Variants in PDGFD observed in about 807,000 individuals in gnomAD.
The protein encoded by PDGFD is platelet derived growth factor D.
Under a neutral mutation model 44.7 loss-of-function variants are expected in PDGFD, and 30 were observed. The ratio of observed to expected loss-of-function variants is 0.67; its 90% confidence interval spans 0.50 to 0.91. PDGFD has a LOEUF of 0.91. PDGFD is among the 40% of genes least tolerant of loss of function. The pLI is 0.00. For missense variants in PDGFD, 445 were observed against 457.8 expected (o/e 0.97, Z 0.25); for synonymous variants, 173 against 168.4 (o/e 1.03, Z -0.21).
chr11:103,956,890 C>A (rs535656206), intron 3 of PDGFD, among the ~76,000 whole-genome samples: 1 of 152,268 alleles, frequency 6.6e-6, no homozygotes, highest in African/African-American at 2.4e-5. Flanking sequence ...ATATCCTTCA[C>A]CCACTTTTTG....
intron 3 of PDGFD, among the ~76,000 whole-genome samples, chr11:103,982,897 T>C (rs1427951260): frequency 6.6e-6 from 1 of 151,490 alleles, no homozygotes; most frequent in Non-Finnish European, 1.5e-5. Flanking sequence ...AACTACAAAC[T>C]CTGCTCAAAG....
intron 1 of PDGFD, among the ~76,000 whole-genome samples, chr11:104,104,623 T>C (rs909227245): frequency 6.6e-5 from 10 of 152,128 alleles, no homozygotes; most frequent in African/African-American, 2.2e-4. Flanking sequence ...AAACCATCTA[T>C]AGCTTAGGCA....
chr11:103,971,174 T>TA (rs1391236600), intron 3 of PDGFD, among the ~76,000 whole-genome samples: 1 of 152,238 alleles, frequency 6.6e-6, no homozygotes, highest in Non-Finnish European at 1.5e-5. Context: ...TTAGTTTTTT[T>TA]ATCTTTCTAT....
At chr11:103,956,679 C>T (rs1183005952) in intron 3 of PDGFD, among the ~76,000 whole-genome samples, 3 of 152,038 alleles carry the variant, frequency 2.0e-5, no homozygotes, top group Non-Finnish European at 4.4e-5. Flanking sequence ...TTCCCACCAA[C>T]AGTGTAAAAG....
chr11:104,156,469 T>C (rs941400781), intron 1 of PDGFD, among the ~76,000 whole-genome samples: 1 of 152,206 alleles, frequency 6.6e-6, no homozygotes, highest in African/African-American at 2.4e-5. Context: ...AAAACTGTCT[T>C]CATGAACACA....
intron 1 of PDGFD, among the ~76,000 whole-genome samples, chr11:104,041,825 A>C (rs1408930036): frequency 6.6e-6 from 1 of 152,228 alleles, no homozygotes; most frequent in Non-Finnish European, 1.5e-5. Context: ...CTGCAAAAAG[A>C]AAAAGATAAA....
intron 4 of PDGFD, chr11:103,946,125 A>T (rs1460726012): frequency 1.4e-5 from 2 of 143,004 alleles, no homozygotes; most frequent in Non-Finnish European, 2.9e-5. Flanking sequence ...AGTTAACTGC[A>T]TTAATTTAAA....
chr11:104,057,653 A>C (rs2134411188), intron 1 of PDGFD, among the ~76,000 whole-genome samples: 1 of 152,324 alleles, frequency 6.6e-6, no homozygotes, highest in South Asian at 2.1e-4. Flanking sequence ...ATATACCTGC[A>C]CATGTACCCC....
chr11:104,081,003 G>A (rs1861038842), intron 1 of PDGFD, among the ~76,000 whole-genome samples: 1 of 152,172 alleles, frequency 6.6e-6, no homozygotes, highest in African/African-American at 2.4e-5. Flanking sequence ...GACAACTGCA[G>A]CTCTAGCTGA....
chr11:104,091,061 A>G (rs1200459142), intron 1 of PDGFD, among the ~76,000 whole-genome samples: 1 of 152,222 alleles, frequency 6.6e-6, no homozygotes, highest in Non-Finnish European at 1.5e-5. Context: ...CAGCTAAAAC[A>G]GTGTGATTTA....
Position 104,054,200 on chromosome 11 carries a change from C to G in PDGFD, c.125-53945G>C, listed in dbSNP as rs190605887. ...TGGGAAGCGATTTCTGCAAAGGAAG[C>G]GAAAAGCTCCACATTGCTGGGAAAT... On this transcript the variant is annotated intron_variant, in intron 1 of 6. Coordinates refer to ENST00000393158, the MANE Select transcript of PDGFD (RefSeq NM_025208.5). Among the ~76,000 whole-genome samples the G allele has an allele frequency of 3.4e-3, 521 of 152,272 alleles. 1 individual carries two copies. The highest frequency in any genetic ancestry group is 0.02 in the Middle Eastern group (6 of 294).
At chr11:104,009,760 A>C (rs1859755530) in intron 1 of PDGFD, among the ~76,000 whole-genome samples, 1 of 152,182 alleles carries the variant, frequency 6.6e-6, no homozygotes, top group African/African-American at 2.4e-5. Context: ...ACAGGGTTGG[A>C]GTCTCACCAT....
chr11:104,155,500 T>A (rs1219030082), intron 1 of PDGFD, among the ~76,000 whole-genome samples: 1 of 152,204 alleles, frequency 6.6e-6, no homozygotes, highest in Non-Finnish European at 1.5e-5. Flanking sequence ...TCAGTGCTAA[T>A]AGTGTGAATA....
intron 1 of PDGFD, among the ~76,000 whole-genome samples, chr11:104,104,772 T>C (rs1310190935): frequency 6.6e-6 from 1 of 152,182 alleles, no homozygotes; most frequent in African/African-American, 2.4e-5. Context: ...TTCATGATTG[T>C]ACACAGAAAC....
chr11:103,973,325 T>C (rs1280627211), intron 3 of PDGFD, among the ~76,000 whole-genome samples: 2 of 151,534 alleles, frequency 1.3e-5, no homozygotes, highest in African/African-American at 4.8e-5. Context: ...TTTTTTGTAT[T>C]TTTAGTAGAG....
intron 3 of PDGFD, among the ~76,000 whole-genome samples, chr11:103,961,649 C>T (rs1858937377): frequency 1.3e-5 from 2 of 152,058 alleles, no homozygotes; most frequent in South Asian, 4.1e-4. Flanking sequence ...TTTTCTTAAT[C>T]ATCTATTCAG....
At chr11:103,926,145 C>G (rs1481315962) in intron 6 of PDGFD, among the ~76,000 whole-genome samples, 1 of 152,166 alleles carries the variant, frequency 6.6e-6, no homozygotes, top group African/African-American at 2.4e-5. Flanking sequence ...CCAGGCCATG[C>G]TGGCCAACTT....
At chr11:104,008,369 A>T (rs1859735067) in intron 1 of PDGFD, among the ~76,000 whole-genome samples, 1 of 152,186 alleles carries the variant, frequency 6.6e-6, no homozygotes, top group Non-Finnish European at 1.5e-5. Context: ...AACTATATGT[A>T]ACATTTTATT....
chr11:103,964,525 T>C (rs766377723), intron 3 of PDGFD, among the ~76,000 whole-genome samples: 7 of 152,194 alleles, frequency 4.6e-5, no homozygotes, highest in Admixed American at 6.6e-5. Flanking sequence ...ACATATGCTT[T>C]AAGAAAAGCA....
Sources: allele counts gnomAD v4.1 joint callset (sites outside exome capture counted in the v4.1 genomes callset), GRCh38; gene constraint gnomAD v4.1.1; transcripts MANE v1.5; gene names NCBI Gene and HGNC (gene_info 2026-07-23, HGNC 2026-07-21).